Variants in POLR2B observed in about 807,000 individuals in gnomAD.
The protein encoded by POLR2B is RNA polymerase II subunit B.
In POLR2B, 57 loss-of-function variants were observed where a neutral mutation model predicts 144.6. The observed-to-expected ratio is 0.39, with a 90% CI of 0.32 to 0.49. The LOEUF is 0.49. Among genes scored for constraint, POLR2B ranks in the 20% least tolerant of loss-of-function variants. The probability of loss-of-function intolerance (pLI) is 0.83; values close to 1 mark genes in which losing one functional copy is unlikely to be tolerated. For synonymous variants in POLR2B, 442 were observed against 469.8 expected (o/e 0.94, Z 0.77); for missense variants, 595 against 1,467.4 (o/e 0.41, Z 9.71).
intron 23 of POLR2B, 107 bp downstream of exon 23, chr4:57,025,644 C>A: frequency 2.9e-6 from 2 of 683,742 alleles, no homozygotes; most frequent in Admixed American, 2.5e-5. Flanking sequence ...GTGCCTGTTA[C>A]CCCCATTTCA....
chr4:57,011,248 G>A (rs1723177981), intron 13 of POLR2B, 148 bp downstream of exon 13: 1 of 642,636 alleles, frequency 1.6e-6, no homozygotes, highest in East Asian at 2.8e-5. Context: ...GTTATTGCTA[G>A]GCCGGGTGCA....
At chr4:56,987,881 C>CA (rs899201797) in intron 2 of POLR2B, among the ~76,000 whole-genome samples, 73 of 136,192 alleles carry the variant, frequency 5.4e-4, no homozygotes, top group African/African-American at 6.0e-4. Context: ...GACTCTGTCT[C>CA]AAAAAAAAAA....
At chr4:56,996,426 G>A (rs1444792121) in intron 6 of POLR2B, among the ~76,000 whole-genome samples, 1 of 150,170 alleles carries the variant, frequency 6.7e-6, no homozygotes, top group African/African-American at 2.4e-5. Flanking sequence ...GACTACAGGC[G>A]CCCGCCACCG....
intron 9 of POLR2B, among the ~76,000 whole-genome samples, chr4:57,006,154 A>T (rs1723011507): frequency 6.6e-6 from 1 of 152,248 alleles, no homozygotes; most frequent in Non-Finnish European, 1.5e-5. Context: ...ATTTTCTATA[A>T]TTGGAAAAAA....
At chr4:57,027,185 T>C (rs1474863422) in intron 23 of POLR2B, among the ~76,000 whole-genome samples, 1 of 152,100 alleles carries the variant, frequency 6.6e-6, no homozygotes, top group Non-Finnish European at 1.5e-5. Flanking sequence ...ATTTTTGTAT[T>C]TTTTGTAGAG....
intron 6 of POLR2B, among the ~76,000 whole-genome samples, chr4:56,996,119 C>A (rs1409688970): frequency 6.6e-6 from 1 of 150,462 alleles, no homozygotes; most frequent in Non-Finnish European, 1.5e-5. Flanking sequence ...GCTAGCAGTT[C>A]TTAAATATTT....
intron 7 of POLR2B, chr4:57,002,729 A>T (rs1236086611): frequency 6.6e-6 from 1 of 152,146 alleles, no homozygotes; most frequent in Non-Finnish European, 1.5e-5. Flanking sequence ...ATACTGGAAC[A>T]ATATGTAGGT....
chr4:56,983,591 C>T (rs1478191117), intron 1 of POLR2B, among the ~76,000 whole-genome samples: 1 of 151,978 alleles, frequency 6.6e-6, no homozygotes, highest in Non-Finnish European at 1.5e-5. Context: ...AGGCTGCTCT[C>T]AAACTCTTGG....
intron 6 of POLR2B, among the ~76,000 whole-genome samples, chr4:56,995,779 T>C (rs1722659636): frequency 6.6e-6 from 1 of 152,246 alleles, no homozygotes; most frequent in African/African-American, 2.4e-5. Context: ...GCTGGAAGCC[T>C]TTCTTTGTTC....
In POLR2B at chr4:57,015,616, C is replaced by T; in HGVS notation, c.1915C>T (p.His639Tyr). 6.7e-7 allele frequency: 1 copy of T among 1,496,914 alleles called. No individual in the cohort carries two copies. The highest frequency in any genetic ancestry group is 1.8e-4 in the Middle Eastern group (1 of 5,598). The allele number at this position is 1,496,914 out of a possible 1,614,324, so 92.7% of individuals were successfully genotyped here. The change falls in exon 14 of 25, where the codon CAT becomes TAT. Residue 639 changes from histidine (H) to tyrosine (Y), a missense_variant. Physicochemically the swap from His to Tyr is moderately conservative, Grantham distance 83 (BLOSUM62 2). Coordinates refer to ENST00000314595, the MANE Select transcript of POLR2B (RefSeq NM_000938.3). ...EKQKLLLKKR[H>Y]IDQLKEREYN... ...ACAAAAGCTACTTTTGAAGAAGAGGCATATTGACCAATTGAAAGAGAGAGA... is the reference window on the plus strand; with the variant it reads ...ACAAAAGCTACTTTTGAAGAAGAGGTATATTGACCAATTGAAAGAGAGAGA...
intron 6 of POLR2B, among the ~76,000 whole-genome samples, chr4:56,998,766 G>A (rs1722766443): frequency 1.3e-5 from 2 of 152,190 alleles, no homozygotes; most frequent in African/African-American, 4.8e-5. Context: ...ATTGGCATTT[G>A]GAGATATGGG....
rs750352732 is a variant in POLR2B, at chr4:57,023,971, A to G, written c.2857-34A>G. The G allele has an allele frequency of 2.8e-5, 33 of 1,194,406 alleles. 1 individual carries two copies. In the Middle Eastern group the frequency reaches 1.2e-3, roughly 43 times the overall value. 74.0% of individuals were successfully genotyped at this position (1,194,406 alleles called of 1,614,324 possible). The stretch of plus-strand genomic sequence containing the variant: ...ATGTCAGTTCTAGTTTAGTATATGT[A>G]TCTTTGAGTCCCTTTTAAAATTTTT... On this transcript the variant is annotated intron_variant, in intron 20 of 24. Transcript: ENST00000314595. The surrounding 1 kb of genome is among the most constrained non-coding windows in gnomAD (Gnocchi z 4.3).
intron 2 of POLR2B, among the ~76,000 whole-genome samples, chr4:56,988,293 A>G (rs1428140052): frequency 6.6e-6 from 1 of 151,988 alleles, no homozygotes; most frequent in Non-Finnish European, 1.5e-5. Flanking sequence ...GCAGAAACAA[A>G]AAGAGGAGCA....
intron 1 of POLR2B, 85 bp downstream of exon 1, chr4:56,979,089 C>A: frequency 7.2e-7 from 1 of 1,385,174 alleles, no homozygotes; most frequent in Non-Finnish European, 1.0e-6. Flanking sequence ...GATTTGGGGC[C>A]TTCCCATGCG....
rs1723177251 is a variant in POLR2B at position 57,011,216 on chromosome 4, TAA to T, written c.1800+118_1800+119del. On this transcript the variant is annotated intron_variant, in intron 13 of 24. Coordinates refer to ENST00000314595, the MANE Select transcript of POLR2B (RefSeq NM_000938.3). ...CTTTGAACTTTATTCCCTTGAACTG[TAA>T]AGTGTAAATTTAATTATAAGTTATT... The T allele has an allele frequency of 7.1e-6, 5 of 705,120 alleles. No individual in the cohort carries two copies. The South Asian group carries it at 8.6e-5, about 12-fold the overall frequency. The allele number at this position is 705,120 out of a possible 1,614,324, so 43.7% of individuals were successfully genotyped here. A position where few individuals can be genotyped will look rare whatever the true frequency, so the allele number is the denominator to read the frequency against.
At chr4:56,996,205 C>CTTGTGTGTGTGTGTGTGT (rs1325314185) in intron 6 of POLR2B, among the ~76,000 whole-genome samples, 1 of 41,156 alleles carries the variant, frequency 2.4e-5, no homozygotes. Flanking sequence ...TATTTCAGTT[C>CTTGTGTGTGTGTGTGTGT]ATGTGTGTGT....
At chr4:56,991,645 C>G (rs1326033275) in intron 3 of POLR2B, among the ~76,000 whole-genome samples, 1 of 152,170 alleles carries the variant, frequency 6.6e-6, no homozygotes. Context: ...CTCCTAAGTG[C>G]TGGTCTGTTA....
rs185181450 is a variant in POLR2B at position 57,007,634 on chromosome 4, A to C, written c.1404+632A>C. 7.1e-3 allele frequency among the ~76,000 whole-genome samples: 1,081 copies of C among 152,338 alleles called. 7 individuals are homozygous for C. The highest frequency in any genetic ancestry group is 0.01 in the Non-Finnish European group (698 of 68,028). On this transcript the variant is annotated intron_variant, in intron 10 of 24. Transcript: ENST00000314595. ...CATTAGAAGCCAACTAAGAGATAAA[A>C]ATGGTCATCGCCCTCCTTTGTTGGA...
chr4:56,994,930 GAAAAAA>G, intron 5 of POLR2B, 64 bp downstream of exon 5: 2 of 728,356 alleles, frequency 2.7e-6, no homozygotes, highest in South Asian at 2.1e-5. Context: ...AAGTTGAAAT[GAAAAAA>G]AAAAAAAAAA....
Sources: allele counts gnomAD v4.1 joint callset (sites outside exome capture counted in the v4.1 genomes callset), GRCh38; gene constraint gnomAD v4.1.1; non-coding constraint Gnocchi (gnomAD v3.1); transcripts MANE v1.5; gene names NCBI Gene and HGNC (gene_info 2026-07-23, HGNC 2026-07-21).